The following FANCL variants were observed in gnomAD, a reference collection of about 807,000 sequenced individuals.
The protein encoded by FANCL is E3 ubiquitin-protein ligase FANCL.
Under a neutral mutation model 59.4 loss-of-function variants are expected in FANCL, and 69 were observed. The ratio of observed to expected loss-of-function variants is 1.16; its 90% CI spans 0.96 to 1.42. FANCL has a LOEUF of 1.42. Among genes scored for constraint, FANCL ranks in the 40% most tolerant of loss-of-function variants. FANCL has a pLI of 0.00. For missense variants in FANCL, 519 were observed against 447.2 expected, an observed-to-expected ratio of 1.16 and a Z score of -1.45; for synonymous variants, 180 against 147.1, an observed-to-expected ratio of 1.22 and a Z score of -1.62.
intron 7 of FANCL, among the ~76,000 whole-genome samples, chr2:58,174,015 C>G (rs1686984268): frequency 6.6e-6 from 1 of 151,880 alleles, no homozygotes; most frequent in Non-Finnish European, 1.5e-5. Context: ...GACTTTAAAC[C>G]AACAAAGATC....
chr2:58,183,961 T>C (rs1032070952), intron 7 of FANCL, among the ~76,000 whole-genome samples: 2 of 152,000 alleles, frequency 1.3e-5, no homozygotes, highest in African/African-American at 4.8e-5. Flanking sequence ...ACATTGCACC[T>C]ATAATTGTGG....
chr2:58,231,628 T>C (rs1693587255), intron 2 of FANCL, among the ~76,000 whole-genome samples: 1 of 152,210 alleles, frequency 6.6e-6, no homozygotes, highest in Non-Finnish European at 1.5e-5. Flanking sequence ...TCCTGACTAG[T>C]TGTATCTACC....
At chr2:58,222,545 A>T (rs894174683) in intron 4 of FANCL, among the ~76,000 whole-genome samples, 8 of 152,024 alleles carry the variant, frequency 5.3e-5, no homozygotes, top group African/African-American at 1.9e-4. Context: ...ACTGACTTAT[A>T]CTCTGTACTA....
At chr2:58,199,897 G>A (rs1285685596) in intron 6 of FANCL, among the ~76,000 whole-genome samples, 1 of 151,344 alleles carries the variant, frequency 6.6e-6, no homozygotes, top group Non-Finnish European at 1.5e-5. Context: ...TAAGTAAAAG[G>A]GAAGAAAAAA....
intron 7 of FANCL, among the ~76,000 whole-genome samples, chr2:58,196,091 A>C (rs1438858937): frequency 6.6e-6 from 1 of 152,170 alleles, no homozygotes; most frequent in Non-Finnish European, 1.5e-5. Context: ...GACAAACATA[A>C]GATTATGGCT....
intron 7 of FANCL, among the ~76,000 whole-genome samples, chr2:58,190,684 TAGAA>T (rs1436796018): frequency 2.6e-5 from 4 of 151,870 alleles, no homozygotes; most frequent in African/African-American, 4.8e-5. Context: ...TCAAAACTAA[TAGAA>T]AGAATACCAA....
intron 6 of FANCL, among the ~76,000 whole-genome samples, chr2:58,199,984 C>T (rs994031942): frequency 2.0e-5 from 3 of 151,320 alleles, no homozygotes; most frequent in Non-Finnish European, 4.4e-5. Flanking sequence ...AATAAGTTGG[C>T]TAAAAAGATT....
intron 6 of FANCL, 124 bp from the exon 7 acceptor site, chr2:58,198,786 T>C: frequency 1.4e-6 from 1 of 707,746 alleles, no homozygotes; most frequent in East Asian, 2.9e-5. Context: ...TCCCAGCACT[T>C]TGGGAGGCCG....
At chr2:58,176,064 A>C (rs1261935585) in intron 7 of FANCL, among the ~76,000 whole-genome samples, 8 of 151,996 alleles carry the variant, frequency 5.3e-5, no homozygotes, top group African/African-American at 1.7e-4. Context: ...TAGGAATCCA[A>C]CTTACAAGGG....
chr2:58,174,509 G>A (rs1431434660), intron 7 of FANCL, among the ~76,000 whole-genome samples: 1 of 152,126 alleles, frequency 6.6e-6, no homozygotes, highest in Non-Finnish European at 1.5e-5. Flanking sequence ...CATCTACATG[G>A]AAACTGAACA....
chr2:58,179,221 A>G (rs988248559), intron 7 of FANCL, among the ~76,000 whole-genome samples: 3 of 152,098 alleles, frequency 2.0e-5, no homozygotes, highest in Admixed American at 6.6e-5. Context: ...TAACAGAATT[A>G]GAAAAAAACT....
At chr2:58,174,296 A>C (rs934547164) in intron 7 of FANCL, among the ~76,000 whole-genome samples, 54 of 152,186 alleles carry the variant, frequency 3.5e-4, no homozygotes, top group Admixed American at 2.6e-3. Flanking sequence ...ACCTAATAGA[A>C]ATCTACAGAA....
chr2:58,216,826 C>T (rs929883792), intron 5 of FANCL, among the ~76,000 whole-genome samples: 14 of 151,854 alleles, frequency 9.2e-5, no homozygotes, highest in Non-Finnish European at 1.6e-4. Context: ...GTTCTCCTTA[C>T]CGCCCAGGTT....
chr2:58,217,195 TATATATATATATATATATATACACAC>T (rs1472808913), intron 5 of FANCL, among the ~76,000 whole-genome samples: 3,330 of 20,822 alleles, frequency 0.16, 283 homozygotes, highest in Admixed American at 0.28. Context: ...TATATATATA[TATATATATATATATATATATACACAC>T]ACACACACAC....
chr2:58,212,605 T>C (rs986648246), intron 5 of FANCL, among the ~76,000 whole-genome samples: 1 of 152,254 alleles, frequency 6.6e-6, no homozygotes, highest in African/African-American at 2.4e-5. Context: ...ATACTCTTAA[T>C]ACCAAACAGA....
At chr2:58,217,840 A>T (rs1265607038) in intron 5 of FANCL, among the ~76,000 whole-genome samples, 4 of 152,068 alleles carry the variant, frequency 2.6e-5, no homozygotes, top group African/African-American at 9.7e-5. Context: ...GACACACATA[A>T]TTAATAAATG....
chr2:58,226,275 T>A (rs868075267), intron 4 of FANCL, among the ~76,000 whole-genome samples: 1 of 152,284 alleles, frequency 6.6e-6, no homozygotes, highest in African/African-American at 2.4e-5. Context: ...ATAAACTGAA[T>A]AATCAAGTAT....
chr2:58,203,261 T>C (rs1690227571), intron 6 of FANCL, among the ~76,000 whole-genome samples: 1 of 151,908 alleles, frequency 6.6e-6, no homozygotes, highest in East Asian at 1.9e-4. Flanking sequence ...TCAACTTTTC[T>C]GTGTCATCCA....
chr2:58,168,858 C>T (rs1026510905), intron 7 of FANCL, among the ~76,000 whole-genome samples: 5 of 152,076 alleles, frequency 3.3e-5, no homozygotes, highest in African/African-American at 9.7e-5. Flanking sequence ...CAGAGCTCAC[C>T]GCAGCTCAGC....
Sources: gnomAD v4.1 joint callset for allele counts (sites outside exome capture counted in the v4.1 genomes callset) on GRCh38, gnomAD v4.1.1 for gene constraint, MANE v1.5 for transcripts, NCBI Gene and HGNC (gene_info 2026-07-23, HGNC 2026-07-21) for gene names.